The following KIF1B variants were observed in gnomAD, a reference collection of about 807,000 sequenced individuals.
KIF1B encodes the protein kinesin family member 1B.
KIF1B carries 76 observed loss-of-function variants against 241.9 expected under a neutral mutation model. The ratio of observed to expected loss-of-function variants is 0.31; its 90% CI spans 0.26 to 0.38. The LOEUF is 0.38. KIF1B is among the 10% of genes least tolerant of loss of function. KIF1B has a pLI of 1.00. For missense variants in KIF1B, 1,622 were observed against 2,271.4 expected, an observed-to-expected ratio of 0.71 and a Z score of 5.81; for synonymous variants, 750 against 796.7, an observed-to-expected ratio of 0.94 and a Z score of 0.99.
In KIF1B at chr1:10,358,853, G is replaced by A. The variant is rs561872234; in HGVS notation, c.4056-2076G>A. ...ATGAAGGGTTTCCTCCTGTGCCCAGGGAGCCCAAGAACTATAGAAAGGCCT... is the reference window on the plus strand; with the variant it reads ...ATGAAGGGTTTCCTCCTGTGCCCAGAGAGCCCAAGAACTATAGAAAGGCCT... On this transcript the variant is annotated intron_variant, in intron 38 of 48. Coordinates refer to ENST00000676179, the MANE Select transcript of KIF1B (RefSeq NM_001365951.3). 1.9e-3 allele frequency among the ~76,000 whole-genome samples: 296 copies of A among 152,248 alleles called. 1 individual carries two copies. Among genetic ancestry groups the A allele is most frequent in the African/African-American group, 6.8e-3 (283 of 41,540 alleles).
intron 33 of KIF1B, 102 bp downstream of exon 33, chr1:10,342,270 A>C (rs909656865): frequency 1.2e-6 from 1 of 820,590 alleles, no homozygotes; most frequent in Non-Finnish European, 2.2e-6. Flanking sequence ...AGATAACTAA[A>C]TAAGTATTCT....
At chr1:10,313,129 G>A (rs1053764003) in intron 22 of KIF1B, among the ~76,000 whole-genome samples, 4 of 151,132 alleles carry the variant, frequency 2.6e-5, no homozygotes, top group African/African-American at 9.9e-5. Flanking sequence ...TGTGTGACAC[G>A]ATCTTGGCTC....
intron 2 of KIF1B, among the ~76,000 whole-genome samples, chr1:10,244,555 G>T (rs1262237859): frequency 6.7e-6 from 1 of 150,318 alleles, no homozygotes; most frequent in Non-Finnish European, 1.5e-5. Flanking sequence ...CAGGTGATCC[G>T]CCCGCCTCAG....
chr1:10,287,536 GT>G (rs1031659063), intron 15 of KIF1B, among the ~76,000 whole-genome samples: 10 of 152,076 alleles, frequency 6.6e-5, no homozygotes, highest in African/African-American at 2.4e-4. Context: ...TTTTCTCTAA[GT>G]TTCCCCCAAA....
At position 10,291,075 on chromosome 1, in the gene KIF1B, T is replaced by A. The variant is rs1227701884; in HGVS notation, c.1435-7T>A. The stretch of plus-strand genomic sequence containing the variant: ...TTGCCTCTTTAACTGTGCGCTTCCT[T>A]CCTTAGGAATCAGAGAAGATCATTG... On this transcript the variant is annotated splice_region_variant and splice_polypyrimidine_tract_variant and intron_variant, in intron 15 of 48. Coordinates refer to ENST00000676179, the MANE Select transcript of KIF1B (RefSeq NM_001365951.3). 1 of 1,611,472 alleles carries A rather than the reference T, an allele frequency of 6.2e-7. No homozygotes were observed. The highest frequency in any genetic ancestry group is 1.7e-5 in the Admixed American group (1 of 60,016).
rs909824765 is a variant in KIF1B at position 10,305,790 on chromosome 1, G to A, written c.2115+8544G>A. ...CACTGGAGAATCCACTAAGAAAGAT[G>A]GATTTTAATGGGAAGAAAAGAATTA... On this transcript the variant is annotated intron_variant, in intron 22 of 48. Transcript: ENST00000676179. 20 of 1,054,252 alleles carry A rather than the reference G, an allele frequency of 1.9e-5. No individual in the cohort carries two copies. The Middle Eastern group carries it at 2.1e-3, about 111-fold the overall frequency. 65.3% of individuals were successfully genotyped at this position (1,054,252 alleles called of 1,614,324 possible).
chr1:10,226,770 C>T (rs954966843), intron 1 of KIF1B, among the ~76,000 whole-genome samples: 32 of 152,160 alleles, frequency 2.1e-4, no homozygotes, highest in Non-Finnish European at 4.0e-4. Flanking sequence ...AGTTCGAGAC[C>T]AGCCTGGGCA....
rs1229485446 is a variant in KIF1B at position 10,272,338 on chromosome 1, G to C, written c.864+32G>C. 6 of 1,342,434 alleles carry C rather than the reference G, an allele frequency of 4.5e-6. No homozygotes were observed. In the South Asian group the frequency reaches 7.0e-5, roughly 16 times the overall value. 83.2% of individuals were successfully genotyped at this position (1,342,434 alleles called of 1,614,324 possible). On this transcript the variant is annotated intron_variant, in intron 9 of 48. Transcript: ENST00000676179. ...TTTATACTTCATTATAAGGGGAGTT[G>C]TGTCTGTTCAGCAAATATACTTGAT...
Position 10,365,409 on chromosome 1 carries a change from G to A in KIF1B, c.4513G>A (p.Val1505Met). 6.2e-7 allele frequency: 1 copy of A among 1,614,024 alleles called. No homozygotes were observed. Among genetic ancestry groups the A allele is most frequent in the Non-Finnish European group, 8.5e-7 (1 of 1,180,000 alleles). Residue 1505 changes from valine to methionine, a missense_variant and splice_region_variant, in exon 43 of 49, where the codon GTG (valine) becomes ATG (methionine). By Grantham distance (21) the Val-to-Met change is conservative. Coordinates refer to ENST00000676179, the MANE Select transcript of KIF1B (RefSeq NM_001365951.3). The surrounding 1 kb of genome is among the most constrained non-coding windows in gnomAD (Gnocchi z 4.0). ...ELEKLELLHE[V>M]EKTRHFLLLR... ...ATAGCAGTAGTATTGATCTTCTCAGGTGGAAAAAACCCGCCACTTTTTGCT... is the reference window on the plus strand; with the variant it reads ...ATAGCAGTAGTATTGATCTTCTCAGATGGAAAAAACCCGCCACTTTTTGCT...
At chr1:10,300,322 T>G (rs1412339884) in intron 22 of KIF1B, among the ~76,000 whole-genome samples, 1 of 151,148 alleles carries the variant, frequency 6.6e-6, no homozygotes, top group Non-Finnish European at 1.5e-5. Context: ...TTATATCACA[T>G]AAACTTTGCA....
intron 48 of KIF1B, among the ~76,000 whole-genome samples, 158 bp downstream of exon 48, chr1:10,375,531 G>A (rs567762104): frequency 1.3e-5 from 2 of 151,988 alleles, no homozygotes; most frequent in South Asian, 2.1e-4. Flanking sequence ...CTACAGGCAC[G>A]TGCCACCATT....
intron 36 of KIF1B, among the ~76,000 whole-genome samples, 199 bp downstream of exon 36, chr1:10,348,026 CT>C (rs1282695173): frequency 6.6e-6 from 1 of 150,880 alleles, no homozygotes; most frequent in African/African-American, 2.4e-5. Flanking sequence ...TTTATCCTTG[CT>C]TTTATATGTA....
At chr1:10,267,952 C>G (rs372142598) in intron 6 of KIF1B, among the ~76,000 whole-genome samples, 200 bp from the exon 7 acceptor site, 3 of 152,120 alleles carry the variant, frequency 2.0e-5, no homozygotes, top group Non-Finnish European at 4.4e-5. Context: ...GATGGGGTGC[C>G]TTTGGAATTG....
At chr1:10,370,587 TAATAATAAGAAGAAG>T (rs1439350054) in intron 44 of KIF1B, among the ~76,000 whole-genome samples, 1 of 135,432 alleles carries the variant, frequency 7.4e-6, no homozygotes, top group Non-Finnish European at 1.5e-5. Flanking sequence ...ATAATAATAA[TAATAATAAGAAGAAG>T]AAGAAGAAGA....
rs1476122798 is a variant in KIF1B, at chr1:10,303,833, G to A, written c.2115+6587G>A. ...AAGGAGCCTGTTGGTGCTGGTGTTA[G>A]TAGCACCTCTGAGAATAATGTAAGT... On this transcript the variant is annotated intron_variant, in intron 22 of 48. Transcript: ENST00000676179. The surrounding 1 kb of genome is among the most constrained non-coding windows in gnomAD (Gnocchi z 5.2). 4.3e-6 allele frequency: 7 copies of A among 1,614,088 alleles called. No homozygotes were observed. In the Admixed American group the frequency reaches 6.7e-5, roughly 15 times the overall value.
At chr1:10,276,420 TAAC>T (rs755837088) in intron 12 of KIF1B, 21 bp downstream of exon 12, 8 of 1,575,446 alleles carry the variant, frequency 5.1e-6, no homozygotes, top group Admixed American at 1.7e-5. Context: ...TTGATCTCAG[TAAC>T]AACATAGACC....
intron 7 of KIF1B, among the ~76,000 whole-genome samples, chr1:10,271,228 C>T (rs1648780840): frequency 6.6e-6 from 1 of 151,100 alleles, no homozygotes; most frequent in Non-Finnish European, 1.5e-5. Context: ...TTATATGTTG[C>T]CAGGCTGGAG....
intron 1 of KIF1B, among the ~76,000 whole-genome samples, chr1:10,217,347 T>C (rs72638981): frequency 2.2e-5 from 3 of 136,506 alleles, no homozygotes; most frequent in Middle Eastern, 7.8e-3. Context: ...CTTTTTCTTT[T>C]TTTTTTTTTT....
chr1:10,353,225 C>G (rs1182737151), intron 38 of KIF1B, among the ~76,000 whole-genome samples: 1 of 152,044 alleles, frequency 6.6e-6, no homozygotes, highest in Non-Finnish European at 1.5e-5. Context: ...CTCCATTATC[C>G]TTAGTATTTG....
Sources: allele counts gnomAD v4.1 joint callset (sites outside exome capture counted in the v4.1 genomes callset), GRCh38; gene constraint gnomAD v4.1.1; non-coding constraint Gnocchi (gnomAD v3.1); transcripts MANE v1.5; gene names NCBI Gene and HGNC (gene_info 2026-07-23, HGNC 2026-07-21).